The following THEMIS variants were observed in gnomAD, a reference collection of about 807,000 sequenced individuals.
THEMIS encodes thymocyte selection associated.
THEMIS carries 37 observed loss-of-function variants against 52.6 expected under a neutral mutation model. The ratio of observed to expected loss-of-function variants is 0.70; its 90% CI spans 0.54 to 0.93. The LOEUF (loss-of-function observed/expected upper bound fraction) is 0.93, where lower values mean the gene tolerates loss of function less well. Among genes scored for constraint, THEMIS ranks in the 40% least tolerant of loss-of-function variants. The pLI, the probability that THEMIS is intolerant of heterozygous loss-of-function variation, is 0.00. For synonymous variants in THEMIS, 292 were observed against 272.7 expected, an observed-to-expected ratio of 1.07 and a Z score of -0.70; for missense variants, 808 against 763.1, an observed-to-expected ratio of 1.06 and a Z score of -0.69.
chr6:127,800,360 A>C (rs1286523747), intron 4 of THEMIS, among the ~76,000 whole-genome samples: 1 of 152,058 alleles, frequency 6.6e-6, no homozygotes, highest in Non-Finnish European at 1.5e-5. Flanking sequence ...GCTTCATCTC[A>C]CCTTCTCAAA....
intron 2 of THEMIS, among the ~76,000 whole-genome samples, chr6:127,852,773 G>A (rs1779474511): frequency 6.6e-6 from 1 of 151,366 alleles, no homozygotes; most frequent in Non-Finnish European, 1.5e-5. Flanking sequence ...CCCTGTATCT[G>A]GGATCCCTTT....
chr6:127,727,239 TC>T (rs1035692195), intron 4 of THEMIS, among the ~76,000 whole-genome samples: 3 of 152,166 alleles, frequency 2.0e-5, no homozygotes, highest in Non-Finnish European at 2.9e-5. Context: ...CTTTCATAGC[TC>T]CTATTTTAAT....
intron 4 of THEMIS, among the ~76,000 whole-genome samples, chr6:127,805,313 T>C (rs1018509185): frequency 5.9e-5 from 9 of 152,110 alleles, no homozygotes; most frequent in East Asian, 1.9e-4. Flanking sequence ...TAATTAAGTA[T>C]TGCTTAGAAA....
intron 4 of THEMIS, among the ~76,000 whole-genome samples, chr6:127,753,820 C>G (rs1229349893): frequency 6.6e-6 from 1 of 151,912 alleles, no homozygotes; most frequent in Non-Finnish European, 1.5e-5. Context: ...TGAAGGTCTA[C>G]TGTACAACAT....
chr6:127,750,207 T>A (rs1252560096), intron 4 of THEMIS, among the ~76,000 whole-genome samples: 1 of 151,544 alleles, frequency 6.6e-6, no homozygotes, highest in African/African-American at 2.4e-5. Context: ...ATTTCTACTC[T>A]AATTAATAAC....
chr6:127,772,230 T>C (rs1336245740), intron 4 of THEMIS, among the ~76,000 whole-genome samples: 1 of 152,006 alleles, frequency 6.6e-6, no homozygotes, highest in East Asian at 1.9e-4. Context: ...TAATGTTAAG[T>C]GGAATTGCTA....
Position 127,708,733 on chromosome 6 carries a change from G to T in THEMIS, c.*1252C>A, listed in dbSNP as rs1384848399. 6.6e-6 allele frequency: 1 copy of T among 151,998 alleles called. No individual in the cohort carries two copies. Among genetic ancestry groups the T allele is most frequent in the African/African-American group, 2.4e-5 (1 of 41,408 alleles). 9.4% of individuals were successfully genotyped at this position (151,998 alleles called of 1,614,324 possible). A position where few individuals can be genotyped will look rare whatever the true frequency, so the allele number is the denominator to read the frequency against. On this transcript the variant is annotated 3_prime_UTR_variant, in exon 6 of 6. Coordinates refer to ENST00000368248, the MANE Select transcript of THEMIS (RefSeq NM_001010923.3). ...AGGACACTAGAAATCAGGATTCATT[G>T]TTACTTAGAAAAAATGTAAGGTAAA...
At chr6:127,891,376 C>T (rs1042559630) in intron 1 of THEMIS, among the ~76,000 whole-genome samples, 1 of 151,380 alleles carries the variant, frequency 6.6e-6, no homozygotes, top group Non-Finnish European at 1.5e-5. Flanking sequence ...ACTAAAAATG[C>T]GAAAAAATAA....
At chr6:127,717,773 T>C (rs1482149392) in intron 5 of THEMIS, among the ~76,000 whole-genome samples, 1 of 151,576 alleles carries the variant, frequency 6.6e-6, no homozygotes, top group Non-Finnish European at 1.5e-5. Flanking sequence ...CTGGGTATCC[T>C]GAAAGAGCAA....
intron 1 of THEMIS, among the ~76,000 whole-genome samples, chr6:127,908,476 A>C (rs1178114687): frequency 1.3e-5 from 2 of 152,140 alleles, no homozygotes; most frequent in Non-Finnish European, 2.9e-5. Context: ...GTATTTTTTT[A>C]CACGCAGTTC....
chr6:127,874,733 G>A (rs190074224), intron 1 of THEMIS, among the ~76,000 whole-genome samples: 30 of 152,312 alleles, frequency 2.0e-4, no homozygotes, highest in Middle Eastern at 6.8e-3. Flanking sequence ...TAAGAAGAAG[G>A]TATGGCTATA....
At chr6:127,698,070 T>C in the THEMIS span, among the ~76,000 whole-genome samples, 1 of 152,156 alleles carries the variant, frequency 6.6e-6, no homozygotes, top group African/African-American at 2.4e-5. Context: ...GGTAATTACA[T>C]AGATTTTGTG....
At chr6:127,731,346 T>C (rs1255638671) in intron 4 of THEMIS, among the ~76,000 whole-genome samples, 1 of 152,136 alleles carries the variant, frequency 6.6e-6, no homozygotes, top group East Asian at 1.9e-4. Context: ...TATTTCATTA[T>C]TGAAACATAA....
chr6:127,762,297 T>C (rs1209338405), intron 4 of THEMIS, among the ~76,000 whole-genome samples: 7 of 152,074 alleles, frequency 4.6e-5, no homozygotes, highest in Admixed American at 1.3e-4. Flanking sequence ...TCAAGGAAGA[T>C]GAATAAGCTC....
chr6:127,868,275 C>T (rs1161242935), intron 1 of THEMIS, among the ~76,000 whole-genome samples: 1 of 151,954 alleles, frequency 6.6e-6, no homozygotes, highest in Non-Finnish European at 1.5e-5. Context: ...CTGAATAATC[C>T]AGTGTAATAC....
At chr6:127,705,449 A>T (rs892566481), downstream of THEMIS, among the ~76,000 whole-genome samples, 14 of 152,102 alleles carry the variant, frequency 9.2e-5, no homozygotes, top group Non-Finnish European at 1.8e-4. Context: ...TGAAGCTTCA[A>T]TTTGCCTGTC....
At chr6:127,768,707 T>A (rs1776277264) in intron 4 of THEMIS, among the ~76,000 whole-genome samples, 1 of 152,244 alleles carries the variant, frequency 6.6e-6, no homozygotes. Context: ...TTAGATCAGG[T>A]ATTTAATATT....
intron 2 of THEMIS, among the ~76,000 whole-genome samples, chr6:127,839,542 A>C (rs1778976755): frequency 6.6e-6 from 1 of 151,940 alleles, no homozygotes; most frequent in South Asian, 2.1e-4. Context: ...TCTTGCTTTC[A>C]CCCAGGCTGG....
intron 2 of THEMIS, among the ~76,000 whole-genome samples, chr6:127,852,849 C>T (rs567013208): frequency 7.3e-5 from 11 of 151,470 alleles, no homozygotes; most frequent in Non-Finnish European, 1.5e-4. Flanking sequence ...ATCACTTTAC[C>T]TTTCCATTTT....
Sources: gnomAD v4.1 joint callset for allele counts (sites outside exome capture counted in the v4.1 genomes callset) on GRCh38, gnomAD v4.1.1 for gene constraint, MANE v1.5 for transcripts, NCBI Gene and HGNC (gene_info 2026-07-23, HGNC 2026-07-21) for gene names.